LARP4: variants seen among roughly 807,000 people sequenced by gnomAD.
The protein encoded by LARP4 is La ribonucleoprotein 4.
Under a neutral mutation model 92.9 loss-of-function variants are expected in LARP4, and 29 were observed. The ratio of observed to expected loss-of-function variants is 0.31; its 90% CI spans 0.23 to 0.43. The LOEUF (loss-of-function observed/expected upper bound fraction) is 0.43. LARP4 is among the 20% of genes least tolerant of loss of function. LARP4 has a pLI of 1.00. For missense variants in LARP4, 732 were observed against 860.0 expected (o/e 0.85, Z 1.86); for synonymous variants, 279 against 284.1 (o/e 0.98, Z 0.18).
At chr12:50,424,427 C>A (rs921331807) in intron 1 of LARP4, among the ~76,000 whole-genome samples, 1 of 151,548 alleles carries the variant, frequency 6.6e-6, no homozygotes, top group African/African-American at 2.4e-5. Context: ...GGCCCGATCT[C>A]GGCTCACCGC....
At chr12:50,475,505 T>A in intron 15 of LARP4, 21 bp from the exon 16 acceptor site, 1 of 1,550,188 alleles carries the variant, frequency 6.5e-7, no homozygotes, top group Non-Finnish European at 8.7e-7. Context: ...ATAAATGTTT[T>A]TTTTTATCAT....
chr12:50,478,954 A>G lies in LARP4; in HGVS notation c.*3090A>G, dbSNP rs1957711712. 6.6e-6 allele frequency: 1 copy of G among 152,184 alleles called. No individual in the cohort carries two copies. Among genetic ancestry groups the G allele is most frequent in the African/African-American group, 2.4e-5 (1 of 41,454 alleles). 9.4% of individuals were successfully genotyped at this position (152,184 alleles called of 1,614,324 possible). A position where few individuals can be genotyped will look rare whatever the true frequency, so the allele number is the denominator to read the frequency against. ...CAGATGCTGTGCAGAATTCTGATTT[A>G]TTTTTGTTTCCTAAAATTAAGATAG... On this transcript the variant is annotated 3_prime_UTR_variant, in exon 16 of 16. Transcript: ENST00000398473.
intron 10 of LARP4, 95 bp from the exon 11 acceptor site, chr12:50,461,040 A>G (rs1262921701): frequency 3.4e-6 from 3 of 879,258 alleles, no homozygotes. Context: ...TTTTTTGAAA[A>G]CCCCAGTACA....
chr12:50,473,331 C>T, intron 13 of LARP4, 84 bp from the exon 14 acceptor site: 4 of 954,304 alleles, frequency 4.2e-6, no homozygotes, highest in Admixed American at 2.1e-5. Flanking sequence ...TGATGTTGAC[C>T]ATCTTCTCTT....
chr12:50,465,027 C>T (rs1955957616), intron 12 of LARP4, among the ~76,000 whole-genome samples: 1 of 152,052 alleles, frequency 6.6e-6, no homozygotes, highest in African/African-American at 2.4e-5. Context: ...TAGCAGTCCA[C>T]ATGACTTCTC....
intron 1 of LARP4, among the ~76,000 whole-genome samples, chr12:50,409,723 C>T (rs1403583645): frequency 1.3e-5 from 2 of 151,376 alleles, no homozygotes; most frequent in South Asian, 4.2e-4. Flanking sequence ...TGAGATTGTG[C>T]CACTGCACTC....
At chr12:50,443,502 AACAG>A (rs1174343340) in intron 8 of LARP4, among the ~76,000 whole-genome samples, 2 of 152,108 alleles carry the variant, frequency 1.3e-5, no homozygotes, top group African/African-American at 2.4e-5. Flanking sequence ...CTTGAACTCA[AACAG>A]TCCTTCCATC....
At chr12:50,447,374 T>C (rs1952382281) in intron 8 of LARP4, among the ~76,000 whole-genome samples, 2 of 152,238 alleles carry the variant, frequency 1.3e-5, no homozygotes, top group Admixed American at 6.5e-5. Context: ...TTGATGGCCA[T>C]GTAATTCCTG....
At chr12:50,459,714 C>T (rs1954979378) in intron 10 of LARP4, among the ~76,000 whole-genome samples, 1 of 151,244 alleles carries the variant, frequency 6.6e-6, no homozygotes, top group Non-Finnish European at 1.5e-5. Context: ...GTCCCAGCTA[C>T]TCGGGAGGCT....
chr12:50,409,051 G>A (rs1458651270), intron 1 of LARP4, among the ~76,000 whole-genome samples: 1 of 151,972 alleles, frequency 6.6e-6, no homozygotes, highest in Non-Finnish European at 1.5e-5. Flanking sequence ...AGTTGAGCAA[G>A]ATAATGAAAA....
At chr12:50,404,934 C>T (rs1944524180) in intron 1 of LARP4, among the ~76,000 whole-genome samples, 1 of 151,878 alleles carries the variant, frequency 6.6e-6, no homozygotes, top group Non-Finnish European at 1.5e-5. Context: ...ATGATTCGCC[C>T]ACCTCGGGCT....
At chr12:50,473,959 A>G (rs1347871901) in intron 14 of LARP4, 40 bp from the exon 15 acceptor site, 3 of 1,563,436 alleles carry the variant, frequency 1.9e-6, no homozygotes, top group African/African-American at 1.4e-5. Context: ...CTGTTCCTAT[A>G]TGCTATTCTG....
chr12:50,443,677 TCTCAG>T (rs1313485024), intron 8 of LARP4, among the ~76,000 whole-genome samples: 1 of 152,282 alleles, frequency 6.6e-6, no homozygotes, highest in African/African-American at 2.4e-5. Flanking sequence ...AGTGGCACAA[TCTCAG>T]CTCAATGCAA....
At chr12:50,412,374 T>A (rs1216155782) in intron 1 of LARP4, 1 of 921,622 alleles carries the variant, frequency 1.1e-6, no homozygotes, top group Non-Finnish European at 1.3e-6. Flanking sequence ...ATACATTTAA[T>A]CAATTTATAC....
In LARP4 at chr12:50,441,523, A is replaced by G. The variant is rs372782420; in HGVS notation, c.751-67A>G. 8.5e-6 allele frequency: 10 copies of G among 1,172,388 alleles called. No homozygotes were observed. The African/African-American group carries it at 9.3e-5, about 11-fold the overall frequency. 72.6% of individuals were successfully genotyped at this position (1,172,388 alleles called of 1,614,324 possible). A position where few individuals can be genotyped will look rare whatever the true frequency, so the allele number is the denominator to read the frequency against. ...TATAGTTTAATACTAAACTCTCAAC[A>G]TAATAAAGATAACTTTACTGAAATG... On this transcript the variant is annotated intron_variant, in intron 7 of 15. Transcript: ENST00000398473.
At chr12:50,456,734 G>A (rs1436558966) in intron 10 of LARP4, among the ~76,000 whole-genome samples, 1 of 151,700 alleles carries the variant, frequency 6.6e-6, no homozygotes, top group African/African-American at 2.4e-5. Context: ...TGCCTGGATC[G>A]AGATTGTTAA....
chr12:50,439,040 C>T (rs1034933287), intron 6 of LARP4, among the ~76,000 whole-genome samples: 1 of 152,200 alleles, frequency 6.6e-6, no homozygotes, highest in South Asian at 2.1e-4. Flanking sequence ...TGGGCTCAAG[C>T]GATCCTCCCA....
At chr12:50,464,759 C>T (rs762985434) in intron 12 of LARP4, among the ~76,000 whole-genome samples, 1 of 151,968 alleles carries the variant, frequency 6.6e-6, no homozygotes, top group Non-Finnish European at 1.5e-5. Flanking sequence ...GGCGTGATCT[C>T]GGCTCACTGC....
chr12:50,449,423 T>C (rs1021248776), intron 8 of LARP4, among the ~76,000 whole-genome samples: 12 of 152,218 alleles, frequency 7.9e-5, no homozygotes, highest in Admixed American at 7.9e-4. Context: ...CTTTCTCTCC[T>C]GTTTTTCATG....
Sources: gnomAD v4.1 joint callset for allele counts (sites outside exome capture counted in the v4.1 genomes callset) on GRCh38, gnomAD v4.1.1 for gene constraint, MANE v1.5 for transcripts, NCBI Gene and HGNC (gene_info 2026-07-23, HGNC 2026-07-21) for gene names.